The following FGF13 variants were observed in gnomAD, a reference collection of about 807,000 sequenced individuals.
The protein encoded by FGF13 is fibroblast growth factor homologous factor 2.
A neutral mutation model predicts 19.5 loss-of-function variants in FGF13; 2 were observed. The ratio of observed to expected loss-of-function variants is 0.10; its 90% CI spans 0.04 to 0.32. The LOEUF (loss-of-function observed/expected upper bound fraction) is 0.32, where lower values mean the gene tolerates loss of function less well. Among genes scored for constraint, FGF13 ranks in the 10% least tolerant of loss-of-function variants. The probability of loss-of-function intolerance (pLI) is 1.00; values close to 1 mark genes in which losing one functional copy is unlikely to be tolerated. For synonymous variants in FGF13, 72 were observed against 76.9 expected, an observed-to-expected ratio of 0.94 and a Z score of 0.33; for missense variants, 113 against 192.7, an observed-to-expected ratio of 0.59 and a Z score of 2.45.
At chrX:139,044,922 G>C (rs2092281982) in intron 1 of FGF13, among the ~76,000 whole-genome samples, 1 of 111,398 alleles carries the variant, frequency 9.0e-6, no homozygotes, top group Non-Finnish European at 1.9e-5. Flanking sequence ...CCATCCCACA[G>C]CTCCACTAGG....
At chrX:138,803,404 T>A (rs1160989720) in intron 3 of FGF13, among the ~76,000 whole-genome samples, 4 of 112,215 alleles carry the variant, frequency 3.6e-5, no homozygotes, top group Admixed American at 9.4e-5. Flanking sequence ...AGAAATTAGA[T>A]CAAGATGAGC....
At position 138,822,869 on chromosome X, in the gene FGF13, C is replaced by T. The variant is rs776006858; in HGVS notation, c.217+34643G>A. Among the ~76,000 whole-genome samples, 7 of 112,056 alleles carry T rather than the reference C, an allele frequency of 6.2e-5. 1 individual carries two copies. Among genetic ancestry groups the T allele is most frequent in the Non-Finnish European group, 1.3e-4 (7 of 53,260 alleles). On this transcript the variant is annotated intron_variant, in intron 3 of 6. Transcript: ENST00000436198. The stretch of plus-strand genomic sequence containing the variant: ...GTGGAGATACCAAGCTGAACTCATC[C>T]TTGTCCTCTGGGAGTTCCAAGTGTA...
At chrX:138,890,165 G>A (rs894631692) in intron 1 of FGF13, among the ~76,000 whole-genome samples, 1 of 111,316 alleles carries the variant, frequency 9.0e-6, no homozygotes, top group Non-Finnish European at 1.9e-5. Flanking sequence ...CTGACCTCAG[G>A]TGATCCACCT....
intron 1 of FGF13, among the ~76,000 whole-genome samples, chrX:139,193,817 A>G (rs1354215481): frequency 9.0e-6 from 1 of 110,922 alleles, no homozygotes; most frequent in Admixed American, 9.6e-5. Flanking sequence ...AACACTATAA[A>G]TTTCTATAAG....
chrX:138,941,075 A>G (rs1054795672), intron 1 of FGF13, among the ~76,000 whole-genome samples: 1 of 111,413 alleles, frequency 9.0e-6, no homozygotes, highest in Non-Finnish European at 1.9e-5. Context: ...AAATAATGAG[A>G]ACCATCTATG....
chrX:138,800,694 G>A (rs140660649), intron 3 of FGF13, among the ~76,000 whole-genome samples: 39 of 111,699 alleles, frequency 3.5e-4, no homozygotes, highest in African/African-American at 1.0e-3. Flanking sequence ...CATTCTCCCC[G>A]TCACTTTCAG....
chrX:139,158,733 G>T (rs1166066326), intron 1 of FGF13, among the ~76,000 whole-genome samples: 1 of 111,359 alleles, frequency 9.0e-6, no homozygotes. Context: ...ATCAGAGATT[G>T]AAGATCAACT....
chrX:138,805,124 T>C (rs1460636759), intron 3 of FGF13, among the ~76,000 whole-genome samples: 4 of 112,187 alleles, frequency 3.6e-5, no homozygotes, highest in Non-Finnish European at 7.5e-5. Flanking sequence ...ATCCATGTTT[T>C]GTAAACACAA....
intron 3 of FGF13, among the ~76,000 whole-genome samples, chrX:138,805,121 T>C: frequency 8.9e-6 from 1 of 112,195 alleles, no homozygotes. Context: ...TTTATCCATG[T>C]TTTGTAAACA....
intron 1 of FGF13, among the ~76,000 whole-genome samples, chrX:138,921,988 A>AAAC (rs10653097): frequency 9.8e-6 from 1 of 102,452 alleles, no homozygotes; most frequent in East Asian, 3.1e-4. Context: ...AAAAAAAAAA[A>AAAC]CAACAAAACA....
intron 1 of FGF13, among the ~76,000 whole-genome samples, chrX:139,149,109 A>C (rs2083913324): frequency 8.9e-6 from 1 of 111,816 alleles, no homozygotes; most frequent in African/African-American, 3.3e-5. Context: ...TTGGTGAAGT[A>C]TTTACACAAC....
chrX:138,993,362 CTAAG>C (rs1410780723), intron 1 of FGF13, among the ~76,000 whole-genome samples: 1 of 111,835 alleles, frequency 8.9e-6, no homozygotes, highest in Non-Finnish European at 1.9e-5. Context: ...TGAGGGGAAA[CTAAG>C]TATGCAGAAA....
chrX:138,998,556 T>A (rs879172525), intron 1 of FGF13, among the ~76,000 whole-genome samples: 1 of 109,592 alleles, frequency 9.1e-6, no homozygotes, highest in African/African-American at 3.3e-5. Flanking sequence ...TAAAACAGAC[T>A]TTAAGCCAAC....
At chrX:139,031,846 T>C (rs2092227768) in intron 1 of FGF13, among the ~76,000 whole-genome samples, 1 of 111,005 alleles carries the variant, frequency 9.0e-6, no homozygotes, top group African/African-American at 3.3e-5. Flanking sequence ...AAATAATATG[T>C]AAATTGTGCT....
chrX:138,984,567 AAGAAGAAGAAGAAGAAGAAGAAGG>A (rs1431926812), intron 1 of FGF13, among the ~76,000 whole-genome samples: 52 of 50,655 alleles, frequency 1.0e-3, no homozygotes, highest in African/African-American at 3.4e-3. Flanking sequence ...GAAGAAGAAG[AAGAAGAAGAAGAAGAAGAAGAAGG>A]AGGAGGAGGA....
intron 3 of FGF13, among the ~76,000 whole-genome samples, chrX:138,843,713 T>C (rs1156707558): frequency 1.8e-5 from 2 of 111,520 alleles, no homozygotes; most frequent in Admixed American, 9.5e-5. Context: ...TTCAAATACA[T>C]AGGACAGACC....
chrX:138,803,402 G>A (rs927070928), intron 3 of FGF13, among the ~76,000 whole-genome samples: 1 of 112,192 alleles, frequency 8.9e-6, no homozygotes, highest in African/African-American at 3.2e-5. Flanking sequence ...CTAGAAATTA[G>A]ATCAAGATGA....
intron 3 of FGF13, among the ~76,000 whole-genome samples, chrX:138,834,791 T>G (rs997392141): frequency 9.0e-6 from 1 of 111,382 alleles, no homozygotes; most frequent in African/African-American, 3.3e-5. Context: ...GATGTGGACA[T>G]CTAATGCTAT....
chrX:138,656,033 G>T (rs2089433433), intron 3 of FGF13, among the ~76,000 whole-genome samples: 1 of 112,110 alleles, frequency 8.9e-6, no homozygotes, highest in Non-Finnish European at 1.9e-5. Flanking sequence ...AAGCCCTAGG[G>T]ATACTACAGT....
Sources: allele counts gnomAD v4.1 joint callset (sites outside exome capture counted in the v4.1 genomes callset), GRCh38; gene constraint gnomAD v4.1.1; transcripts MANE v1.5; gene names NCBI Gene and HGNC (gene_info 2026-07-23, HGNC 2026-07-21).